PCDHA9: variants seen among roughly 807,000 people sequenced by gnomAD.
PCDHA9 encodes protocadherin alpha 9.
In PCDHA9, 62 loss-of-function variants were observed where a neutral mutation model predicts 62.0. The ratio of observed to expected loss-of-function variants is 1.00; its 90% CI spans 0.81 to 1.23. The LOEUF (loss-of-function observed/expected upper bound fraction) is 1.23. PCDHA9 is among the 50% of genes most tolerant of loss of function. The pLI is 0.00. For missense variants in PCDHA9, 1,205 were observed against 1,249.8 expected (o/e 0.96, Z 0.54); for synonymous variants, 557 against 567.6 (o/e 0.98, Z 0.27).
intron 2 of PCDHA9, among the ~76,000 whole-genome samples, chr5:140,981,701 C>A (rs546149642): frequency 5.3e-5 from 8 of 152,268 alleles, no homozygotes; most frequent in African/African-American, 1.9e-4. Context: ...TTCATTCATT[C>A]ATTCATTCAT....
intron 1 of PCDHA9, chr5:140,863,121 G>C (rs1554157790): frequency 1.7e-6 from 1 of 592,122 alleles, no homozygotes; most frequent in South Asian, 1.4e-5. Flanking sequence ...CGAAAGCTAC[G>C]CGCCACCGCC....
At chr5:140,883,675 G>T (rs782140381) in intron 1 of PCDHA9, 5 of 1,613,894 alleles carry the variant, frequency 3.1e-6, no homozygotes, top group Non-Finnish European at 4.2e-6. Context: ...AAAACAATCC[G>T]CCGGGCTGCC....
intron 2 of PCDHA9, 83 bp from the exon 3 acceptor site, chr5:140,982,392 T>C: frequency 6.3e-7 from 1 of 1,598,158 alleles, no homozygotes. Context: ...GGCTTCATAG[T>C]TGTAAGCAAT....
At chr5:140,877,156 G>C (rs1471783281) in intron 1 of PCDHA9, 1 of 1,613,810 alleles carries the variant, frequency 6.2e-7, no homozygotes, top group Non-Finnish European at 8.5e-7. Flanking sequence ...GAACGACAAC[G>C]CGCCGGCACT....
chr5:140,869,737 C>T (rs781857700), intron 1 of PCDHA9: 4 of 1,613,276 alleles, frequency 2.5e-6, no homozygotes, highest in Admixed American at 1.7e-5. Context: ...TAATTTGCTG[C>T]TAACAGCTAC....
chr5:140,975,763 C>A (rs2096681691), intron 1 of PCDHA9, among the ~76,000 whole-genome samples: 1 of 152,140 alleles, frequency 6.6e-6, no homozygotes, highest in Non-Finnish European at 1.5e-5. Context: ...TGTCATAAAT[C>A]ACAGATAATA....
chr5:140,860,664 A>T (rs1400061239), intron 1 of PCDHA9: 2 of 152,252 alleles, frequency 1.3e-5, no homozygotes, highest in Non-Finnish European at 2.9e-5. Context: ...AATAATATGA[A>T]ATCAAATGCA....
At chr5:140,993,407 C>T (rs2097554546) in intron 3 of PCDHA9, among the ~76,000 whole-genome samples, 1 of 151,550 alleles carries the variant, frequency 6.6e-6, no homozygotes, top group African/African-American at 2.4e-5. Context: ...TAACCACCTT[C>T]ATCAGCATTT....
chr5:140,910,864 A>G (rs2153516118), intron 1 of PCDHA9, among the ~76,000 whole-genome samples: 1 of 152,266 alleles, frequency 6.6e-6, no homozygotes, highest in Non-Finnish European at 1.5e-5. Context: ...TCCATCCACC[A>G]TTATCCCACA....
chr5:140,945,620 C>T (rs1451535910), intron 1 of PCDHA9, among the ~76,000 whole-genome samples: 2 of 152,092 alleles, frequency 1.3e-5, no homozygotes, highest in African/African-American at 4.8e-5. Context: ...CAGCATGGTA[C>T]TGGCATAAAA....
At chr5:140,920,412 ACAGCTGTTCTC>A (rs1294144005) in intron 1 of PCDHA9, among the ~76,000 whole-genome samples, 2 of 152,146 alleles carry the variant, frequency 1.3e-5, no homozygotes, top group African/African-American at 4.8e-5. Context: ...TTAATCAGAT[ACAGCTGTTCTC>A]CCACACACCT....
At chr5:140,859,397 A>C in intron 1 of PCDHA9, 1 of 262,266 alleles carries the variant, frequency 3.8e-6, no homozygotes, top group Non-Finnish European at 6.9e-6. Flanking sequence ...CATCTTAAAC[A>C]GGGTTGGGTT....
intron 3 of PCDHA9, among the ~76,000 whole-genome samples, chr5:140,989,861 C>G (rs1449611550): frequency 6.6e-6 from 1 of 152,042 alleles, no homozygotes; most frequent in Non-Finnish European, 1.5e-5. Context: ...GGAGAGGAAT[C>G]TTTCTCTGCC....
chr5:140,929,497 C>A, intron 1 of PCDHA9: 1 of 977,560 alleles, frequency 1.0e-6, no homozygotes, highest in Non-Finnish European at 1.4e-6. Context: ...TAGAAGATTG[C>A]CCTAGGCCTC....
intron 1 of PCDHA9, among the ~76,000 whole-genome samples, chr5:140,904,640 C>T (rs1484010152): frequency 6.6e-6 from 1 of 152,046 alleles, no homozygotes; most frequent in Non-Finnish European, 1.5e-5. Flanking sequence ...GGAATCTCCA[C>T]ACTGTTTTCC....
chr5:140,850,587 G>C lies in PCDHA9; in HGVS notation c.2092G>C (p.Val698Leu). 2 of 1,598,490 alleles carry C rather than the reference G, an allele frequency of 1.3e-6. No homozygotes were observed. Among genetic ancestry groups the C allele is most frequent in the Non-Finnish European group, 1.7e-6 (2 of 1,167,884 alleles). Residue 698 changes from valine (V) to leucine (L), a missense_variant, in exon 1 of 4, where the codon GTG becomes CTG. Physicochemically the swap from Val to Leu is conservative, Grantham distance 32 (BLOSUM62 1). Transcript: ENST00000532602. The part of the protein sequence containing the change: ...GPEVTLVDVN[V>L]YLIIAICAVS... Reference sequence around the variant, plus strand: ...CGAGGTGACGCTGGTGGATGTCAACGTGTACCTGATCATCGCCATCTGCGC... The same window carrying C: ...CGAGGTGACGCTGGTGGATGTCAACCTGTACCTGATCATCGCCATCTGCGC...
intron 1 of PCDHA9, among the ~76,000 whole-genome samples, chr5:140,919,697 A>G (rs1395748776): frequency 1.3e-5 from 2 of 152,188 alleles, no homozygotes; most frequent in Non-Finnish European, 2.9e-5. Flanking sequence ...GATTTATATT[A>G]ACTTAATTCT....
At chr5:140,923,226 G>T (rs2081248805) in intron 1 of PCDHA9, among the ~76,000 whole-genome samples, 1 of 71,914 alleles carries the variant, frequency 1.4e-5, no homozygotes, top group Admixed American at 1.5e-4. Flanking sequence ...GATCGTTTGA[G>T]CCCAGAAGTT....
intron 1 of PCDHA9, among the ~76,000 whole-genome samples, chr5:140,911,285 G>C (rs1292114305): frequency 6.6e-6 from 1 of 152,078 alleles, no homozygotes; most frequent in Non-Finnish European, 1.5e-5. Flanking sequence ...GCTTCATCAG[G>C]GTCCTTTTAC....
Sources: gnomAD v4.1 joint callset for allele counts (sites outside exome capture counted in the v4.1 genomes callset) on GRCh38, gnomAD v4.1.1 for gene constraint, MANE v1.5 for transcripts, NCBI Gene and HGNC (gene_info 2026-07-23, HGNC 2026-07-21) for gene names.